Variants in PHKB observed in about 807,000 individuals in gnomAD.
PHKB encodes phosphorylase kinase regulatory subunit beta, also known as phosphorylase b kinase regulatory subunit beta.
In PHKB, 122 loss-of-function variants were observed where a neutral mutation model predicts 152.1. The observed-to-expected ratio is 0.80, with a 90% CI of 0.69 to 0.93. PHKB has a LOEUF of 0.93. PHKB is among the 40% of genes least tolerant of loss of function. The pLI is 0.00. For synonymous variants in PHKB, 436 were observed against 464.9 expected (o/e 0.94, Z 0.80); for missense variants, 1,304 against 1,328.4 (o/e 0.98, Z 0.29).
chr16:47,510,461 A>T (rs1217722520), intron 4 of PHKB, among the ~76,000 whole-genome samples: 2 of 152,196 alleles, frequency 1.3e-5, no homozygotes, highest in Non-Finnish European at 2.9e-5. Flanking sequence ...AAAGGGACTT[A>T]TATGAACAAA....
chr16:47,587,567 G>C, intron 8 of PHKB, 101 bp from the exon 9 acceptor site: 1 of 789,472 alleles, frequency 1.3e-6, no homozygotes, highest in East Asian at 2.6e-5. Context: ...TCAAGATGCA[G>C]ACAATGTCAG....
At chr16:47,587,839 G>A (rs1334959272) in intron 9 of PHKB, 76 bp downstream of exon 9, 15 of 1,078,936 alleles carry the variant, frequency 1.4e-5, no homozygotes, top group Non-Finnish European at 2.1e-5. Flanking sequence ...TTAATTTCCA[G>A]TAAAGTACTC....
At chr16:47,589,286 T>C (rs1971988043) in intron 10 of PHKB, among the ~76,000 whole-genome samples, 184 bp downstream of exon 10, 1 of 152,202 alleles carries the variant, frequency 6.6e-6, no homozygotes, top group South Asian at 2.1e-4. Context: ...ACCTATATCA[T>C]GAGGTTCTTA....
intron 5 of PHKB, among the ~76,000 whole-genome samples, chr16:47,513,955 T>C (rs1368851282): frequency 4.6e-5 from 7 of 152,188 alleles, no homozygotes; most frequent in Non-Finnish European, 8.8e-5. Flanking sequence ...TTTAGAACAT[T>C]GTCATCACCC....
chr16:47,613,687 G>A (rs997856957), intron 14 of PHKB, among the ~76,000 whole-genome samples: 16 of 151,842 alleles, frequency 1.1e-4, no homozygotes, highest in Non-Finnish European at 1.6e-4. Context: ...TGTAACCACC[G>A]TCACGGTCAA....
chr16:47,583,288 A>G (rs2151694436), intron 8 of PHKB, among the ~76,000 whole-genome samples: 1 of 152,348 alleles, frequency 6.6e-6, no homozygotes, highest in South Asian at 2.1e-4. Flanking sequence ...TTAAATTAAT[A>G]ATGTGCCTGC....
chr16:47,650,402 C>T, intron 18 of PHKB, 142 bp from the exon 19 acceptor site: 1 of 685,466 alleles, frequency 1.5e-6, no homozygotes, highest in Non-Finnish European at 2.7e-6. Context: ...ACTTCTACCC[C>T]TAAGTAGTCT....
chr16:47,560,440 A>G (rs1170085382), intron 7 of PHKB, among the ~76,000 whole-genome samples: 1 of 152,238 alleles, frequency 6.6e-6, no homozygotes, highest in East Asian at 1.9e-4. Context: ...AATGCACAGG[A>G]AAGGTTAGGG....
At chr16:47,495,189 CCTT>C (rs989268907) in intron 1 of PHKB, among the ~76,000 whole-genome samples, 6 of 147,814 alleles carry the variant, frequency 4.1e-5, no homozygotes, top group African/African-American at 1.5e-4. Context: ...TAACAGAACT[CCTT>C]TTTTTTTTTT....
At chr16:47,600,215 G>T (rs1028265085) in intron 13 of PHKB, among the ~76,000 whole-genome samples, 5 of 152,104 alleles carry the variant, frequency 3.3e-5, no homozygotes, top group African/African-American at 1.2e-4. Context: ...AAAAGACACA[G>T]TATGCTATTT....
chr16:47,633,844 C>T (rs1972869250), intron 14 of PHKB, among the ~76,000 whole-genome samples: 1 of 152,142 alleles, frequency 6.6e-6, no homozygotes, highest in Non-Finnish European at 1.5e-5. Flanking sequence ...CTAAATATTG[C>T]ATAACTATAT....
chr16:47,547,055 A>C (rs1185559283), intron 6 of PHKB, among the ~76,000 whole-genome samples: 1 of 152,176 alleles, frequency 6.6e-6, no homozygotes, highest in African/African-American at 2.4e-5. Context: ...GACCCCTTGC[A>C]CTTCCTGGGT....
At chr16:47,499,915 C>T in intron 3 of PHKB, 21 bp downstream of exon 3, 1 of 1,613,942 alleles carries the variant, frequency 6.2e-7, no homozygotes, top group South Asian at 1.1e-5. Flanking sequence ...GTGTGTTCTC[C>T]TCGTAACTTT....
chr16:47,500,671 T>C (rs1290196713), intron 3 of PHKB, among the ~76,000 whole-genome samples: 2 of 152,062 alleles, frequency 1.3e-5, no homozygotes, highest in African/African-American at 4.8e-5. Context: ...TTATTAAGTT[T>C]GGTCATAAGT....
chr16:47,608,465 G>C (rs1258935928), intron 13 of PHKB, among the ~76,000 whole-genome samples: 4 of 152,220 alleles, frequency 2.6e-5, no homozygotes, highest in African/African-American at 7.2e-5. Flanking sequence ...GCTCACGCCT[G>C]TAATCCCAAC....
At chr16:47,555,223 G>T (rs953956600) in intron 7 of PHKB, among the ~76,000 whole-genome samples, 1 of 152,068 alleles carries the variant, frequency 6.6e-6, no homozygotes, top group Admixed American at 6.6e-5. Context: ...CAACCATTCT[G>T]CTTCATTTTA....
Position 47,650,559 on chromosome 16 carries a change from A to G in PHKB, c.1813A>G (p.Ile605Val). The G allele has an allele frequency of 6.2e-7, 1 of 1,603,258 alleles. No homozygotes were observed. The highest frequency in any genetic ancestry group is 8.5e-7 in the Non-Finnish European group (1 of 1,170,224). ...IDDIKNALQF[I>V]KQYWKMHGRP... The stretch of plus-strand genomic sequence containing the variant: ...TGTTTGACAGAATGCGCTGCAGTTC[A>G]TTAAACAATATTGGAAAATGCATGG... The change falls in exon 19 of 31, where the codon ATT (isoleucine) becomes GTT (valine). Residue 605 changes from isoleucine (I) to valine (V), a missense_variant. Transcript: ENST00000323584.
intron 7 of PHKB, among the ~76,000 whole-genome samples, chr16:47,574,799 T>C (rs1971722540): frequency 6.6e-6 from 1 of 152,120 alleles, no homozygotes; most frequent in Admixed American, 6.6e-5. Context: ...CCTCCAACAT[T>C]GGGGATCAGA....
At chr16:47,666,374 G>A (rs1031076671) in intron 25 of PHKB, among the ~76,000 whole-genome samples, 4 of 152,132 alleles carry the variant, frequency 2.6e-5, no homozygotes, top group South Asian at 2.1e-4. Context: ...AGCAAAGGGC[G>A]CATCTTCCCT....
Sources: allele counts gnomAD v4.1 joint callset (sites outside exome capture counted in the v4.1 genomes callset), GRCh38; gene constraint gnomAD v4.1.1; transcripts MANE v1.5; gene names NCBI Gene and HGNC (gene_info 2026-07-23, HGNC 2026-07-21).